The following MPRIP variants were observed in gnomAD, a reference collection of about 807,000 sequenced individuals.
MPRIP encodes the protein myosin phosphatase Rho interacting protein, also known as myosin phosphatase Rho-interacting protein.
A neutral mutation model predicts 234.9 loss-of-function variants in MPRIP; 59 were observed. That is an observed-to-expected ratio of 0.25 (90% CI 0.20 to 0.31). The LOEUF (loss-of-function observed/expected upper bound fraction) is 0.31. Ranked by LOEUF, MPRIP falls within the 10% of genes least tolerant of loss-of-function variation. MPRIP has a pLI of 1.00. For synonymous variants in MPRIP, 1,144 were observed against 1,263.9 expected, an observed-to-expected ratio of 0.91 and a Z score of 2.01; for missense variants, 2,436 against 3,071.0, an observed-to-expected ratio of 0.79 and a Z score of 4.89.
chr17:17,166,989 T>C lies in MPRIP; in HGVS notation c.5398T>C (p.Leu1800=), dbSNP rs2046014212. ...ASLLEEIAAA[L]PSLPPVESLR... is the part of the protein sequence containing the mutation. ...CCTCTTAGAGGAGATAGCGGCTGCC[T>C]TACCATCTCTGCCACCTGTGGAATC... The change falls in exon 16 of 24, where the codon TTA becomes CTA. Residue 1800 remains leucine, a synonymous_variant. Transcript: ENST00000651222. The surrounding 1 kb of genome is among the most constrained non-coding windows in gnomAD (Gnocchi z 4.4). 7.7e-7 allele frequency: 1 copy of C among 1,304,100 alleles called. No individual in the cohort carries two copies. The highest frequency in any genetic ancestry group is 1.5e-5 in the African/African-American group (1 of 65,854). The allele number at this position is 1,304,100 out of a possible 1,614,324, so 80.8% of individuals were successfully genotyped here. A position where few individuals can be genotyped will look rare whatever the true frequency, so the allele number is the denominator to read the frequency against.
At chr17:17,085,964 G>A (rs1477980889) in intron 3 of MPRIP, among the ~76,000 whole-genome samples, 2 of 152,174 alleles carry the variant, frequency 1.3e-5, no homozygotes, top group African/African-American at 4.8e-5. Context: ...CCTTCTCTGC[G>A]GAATTATCCA....
At chr17:17,108,970 C>G (rs1173277011) in intron 3 of MPRIP, among the ~76,000 whole-genome samples, 1 of 152,224 alleles carries the variant, frequency 6.6e-6, no homozygotes, top group Non-Finnish European at 1.5e-5. Flanking sequence ...TGCCTCTTCT[C>G]CAGTGCAACT....
intron 3 of MPRIP, among the ~76,000 whole-genome samples, chr17:17,091,186 C>T (rs144337733): frequency 2.6e-5 from 4 of 152,044 alleles, no homozygotes; most frequent in Non-Finnish European, 2.9e-5. Context: ...AGAGACCCAC[C>T]GAGGACGACC....
At chr17:17,061,343 C>T (rs2088861733) in intron 1 of MPRIP, among the ~76,000 whole-genome samples, 1 of 152,218 alleles carries the variant, frequency 6.6e-6, no homozygotes, top group African/African-American at 2.4e-5. Flanking sequence ...ACCCAGGTAT[C>T]CTTTCTCTTT....
intron 16 of MPRIP, among the ~76,000 whole-genome samples, chr17:17,169,634 C>T (rs878857783): frequency 6.6e-6 from 1 of 152,234 alleles, no homozygotes. Flanking sequence ...CATAGTGTCC[C>T]CTCCTGTGCC....
At chr17:17,107,460 C>T (rs2090084763) in intron 3 of MPRIP, among the ~76,000 whole-genome samples, 1 of 152,230 alleles carries the variant, frequency 6.6e-6, no homozygotes, top group Non-Finnish European at 1.5e-5. Context: ...GGCACAAGAC[C>T]TGTCCTTAGA....
rs147671135 is a variant in MPRIP, at chr17:17,183,437, C to T, written c.7207-1386C>T. Among the ~76,000 whole-genome samples the T allele has an allele frequency of 5.3e-3, 810 of 152,298 alleles. 4 individuals carry two copies. The highest frequency in any genetic ancestry group is 0.018 in the African/African-American group (738 of 41,556). ...TTCACTGTGTTAGCCAGGATGGTCT[C>T]GATCTCCTGACATCGTGATCTGCCC... On this transcript the variant is annotated intron_variant, in intron 23 of 23. Coordinates refer to ENST00000651222, the MANE Select transcript of MPRIP (RefSeq NM_001364716.4).
chr17:17,073,970 A>G (rs915054328), intron 1 of MPRIP, among the ~76,000 whole-genome samples: 1 of 152,138 alleles, frequency 6.6e-6, no homozygotes, highest in Non-Finnish European at 1.5e-5. Flanking sequence ...TGCACCATTC[A>G]TGGGGAAAGC....
chr17:17,172,881 C>A, intron 18 of MPRIP, 66 bp downstream of exon 18: 2 of 1,408,640 alleles, frequency 1.4e-6, no homozygotes, highest in Non-Finnish European at 2.0e-6. Context: ...CAGGCCACAG[C>A]TGGGCCCTTC....
chr17:17,189,572 G>C lies in MPRIP; in HGVS notation c.*4678G>C, dbSNP rs1361010126. On this transcript the variant is annotated 3_prime_UTR_variant, in exon 24 of 24. Coordinates refer to ENST00000651222, the MANE Select transcript of MPRIP (RefSeq NM_001364716.4). ...TTAAGTATTGTCAAAGTTCTATAAA[G>C]AATGGAAATGTATGATATTATACTT... 6.6e-6 allele frequency: 1 copy of C among 152,154 alleles called. No homozygotes were observed. Among genetic ancestry groups the C allele is most frequent in the East Asian group, 1.9e-4 (1 of 5,174 alleles). 9.4% of individuals were successfully genotyped at this position (152,154 alleles called of 1,614,324 possible). A position where few individuals can be genotyped will look rare whatever the true frequency, so the allele number is the denominator to read the frequency against.
chr17:17,070,281 T>A (rs1196645749), intron 1 of MPRIP, among the ~76,000 whole-genome samples: 1 of 152,230 alleles, frequency 6.6e-6, no homozygotes. Context: ...TTCACTAAAC[T>A]TCTTGAATGT....
intron 1 of MPRIP, among the ~76,000 whole-genome samples, chr17:17,066,879 C>G (rs535470456): frequency 9.2e-5 from 14 of 151,696 alleles, no homozygotes; most frequent in Non-Finnish European, 1.8e-4. Context: ...GCCTCAGCCT[C>G]CCACGTAGCT....
chr17:17,044,243 G>C (rs1198663319), intron 1 of MPRIP, among the ~76,000 whole-genome samples: 2 of 152,220 alleles, frequency 1.3e-5, no homozygotes, highest in African/African-American at 4.8e-5. Context: ...CGGTCAGCTT[G>C]GGACGGATAG....
At chr17:17,133,024 C>T (rs931481918) in intron 5 of MPRIP, among the ~76,000 whole-genome samples, 1 of 152,146 alleles carries the variant, frequency 6.6e-6, no homozygotes, top group Admixed American at 6.5e-5. Context: ...AAGGTAACTC[C>T]AAGTGCAGAA....
rs1210256799 is a variant in MPRIP, at chr17:17,165,059, G to T, written c.3468G>T (p.Leu1156=). The T allele has an allele frequency of 1.5e-6, 2 of 1,302,726 alleles. No homozygotes were observed. Among genetic ancestry groups the T allele is most frequent in the South Asian group, 2.5e-5 (2 of 81,026 alleles). 80.7% of individuals were successfully genotyped at this position (1,302,726 alleles called of 1,614,324 possible). ...EHSYQRVSSQ[L]QSMHTLLREK... is the part of the protein sequence containing the mutation. ...CCTACCAGAGGGTCTCCAGCCAGCT[G>T]CAGAGCATGCACACTCTGCTGAGAG... The change falls in exon 16 of 24, where the codon CTG becomes CTT. Residue 1156 remains leucine (L), a synonymous_variant. Transcript: ENST00000651222.
intron 1 of MPRIP, among the ~76,000 whole-genome samples, chr17:17,073,326 T>C (rs545125478): frequency 1.3e-5 from 2 of 152,302 alleles, no homozygotes; most frequent in East Asian, 3.9e-4. Context: ...GCAGGCTCCC[T>C]GGTATACAGC....
rs556878924 is a variant in MPRIP at position 17,055,292 on chromosome 17, T to C, written c.123+12321T>C. 4.9e-4 allele frequency among the ~76,000 whole-genome samples: 74 copies of C among 152,276 alleles called. 1 individual carries two copies. Among genetic ancestry groups the C allele is most frequent in the Admixed American group, 1.8e-3 (27 of 15,306 alleles). On this transcript the variant is annotated intron_variant, in intron 1 of 23. Coordinates refer to ENST00000651222, the MANE Select transcript of MPRIP (RefSeq NM_001364716.4). The stretch of plus-strand genomic sequence containing the variant: ...GCCATGCTTATCCCACTCGTATCCA[T>C]GGAGCAACTGCCTTGCAGTTGTCTG...
At chr17:17,117,189 T>A (rs1034716149) in intron 3 of MPRIP, among the ~76,000 whole-genome samples, 21 of 152,200 alleles carry the variant, frequency 1.4e-4, no homozygotes, top group African/African-American at 4.6e-4. Flanking sequence ...CCACCACCCT[T>A]GCTTGGTAGG....
intron 1 of MPRIP, among the ~76,000 whole-genome samples, chr17:17,064,557 A>G (rs534131480): frequency 1.3e-5 from 2 of 152,132 alleles, no homozygotes; most frequent in Admixed American, 6.5e-5. Flanking sequence ...TCTCCCTCCC[A>G]CATCAACCCA....
Sources: gnomAD v4.1 joint callset for allele counts (sites outside exome capture counted in the v4.1 genomes callset) on GRCh38, gnomAD v4.1.1 for gene constraint, Gnocchi (gnomAD v3.1) non-coding constraint, MANE v1.5 for transcripts, NCBI Gene and HGNC (gene_info 2026-07-23, HGNC 2026-07-21) for gene names.